The following RCE1 variants were observed in gnomAD, a reference collection of about 807,000 sequenced individuals.
The protein encoded by RCE1 is Ras converting CAAX endopeptidase 1, also known as CAAX prenyl protease 2.
RCE1 carries 15 observed loss-of-function variants against 35.0 expected under a neutral mutation model. That is an observed-to-expected ratio of 0.43 (90% CI 0.29 to 0.66). The LOEUF (loss-of-function observed/expected upper bound fraction) is 0.66, where lower values mean the gene tolerates loss of function less well. Ranked by LOEUF, RCE1 falls within the 30% of genes least tolerant of loss-of-function variation. The probability of loss-of-function intolerance (pLI) is 0.17; values close to 1 mark genes in which losing one functional copy is unlikely to be tolerated. For synonymous variants in RCE1, 261 were observed against 192.7 expected, an observed-to-expected ratio of 1.35 and a Z score of -2.94; for missense variants, 434 against 433.0, an observed-to-expected ratio of 1.00 and a Z score of -0.02.
chr11:66,846,183 C>A lies in RCE1; in HGVS notation c.*88C>A. Reference sequence around the variant, plus strand: ...CTGCAGGGGAAGGGCTGGCTGGGGTCCCCGAGATCTCAGGAATTTTTGTAG... The same window carrying A: ...CTGCAGGGGAAGGGCTGGCTGGGGTACCCGAGATCTCAGGAATTTTTGTAG... On this transcript the variant is annotated 3_prime_UTR_variant, in exon 8 of 8. Coordinates refer to ENST00000309657, the MANE Select transcript of RCE1 (RefSeq NM_005133.3). The A allele has an allele frequency of 6.8e-7, 1 of 1,464,334 alleles. No individual in the cohort carries two copies. Among genetic ancestry groups the A allele is most frequent in the South Asian group, 1.4e-5 (1 of 72,846 alleles). The allele number at this position is 1,464,334 out of a possible 1,614,324, so 90.7% of individuals were successfully genotyped here. A position where few individuals can be genotyped will look rare whatever the true frequency, so the allele number is the denominator to read the frequency against.
rs545366449 is a variant in RCE1, at chr11:66,845,650, C to T, written c.754+88C>T. On this transcript the variant is annotated intron_variant, in intron 7 of 7. Coordinates refer to ENST00000309657, the MANE Select transcript of RCE1 (RefSeq NM_005133.3). ...ACTGTTTGTTCTAGGAACAAAAGTTCTTCTACTCCAGTCCTTGAGACAGGC... is the reference window on the plus strand; with the variant it reads ...ACTGTTTGTTCTAGGAACAAAAGTTTTTCTACTCCAGTCCTTGAGACAGGC... The T allele has an allele frequency of 3.0e-4, 471 of 1,592,346 alleles. No homozygotes were observed. In the Middle Eastern group the frequency reaches 3.7e-3, roughly 12 times the overall value.
At position 66,846,269 on chromosome 11, in the gene RCE1, G is replaced by T. The variant is rs530509394; in HGVS notation, c.*174G>T. The T allele has an allele frequency of 6.1e-6, 5 of 825,604 alleles. No homozygotes were observed. The East Asian group carries it at 1.1e-4, about 18-fold the overall frequency. 51.1% of individuals were successfully genotyped at this position (825,604 alleles called of 1,614,324 possible). On this transcript the variant is annotated 3_prime_UTR_variant, in exon 8 of 8. Transcript: ENST00000309657. Reference sequence around the variant, plus strand: ...CAAGAGAAAGAAGCAGATATCCAAAGGGTGCAGCCCCTTTTGAAAGGGGTG... The same window carrying T: ...CAAGAGAAAGAAGCAGATATCCAAATGGTGCAGCCCCTTTTGAAAGGGGTG...
Position 66,844,003 on chromosome 11 carries a change from T to C in RCE1, c.336T>C (p.Ile112=). The change falls in exon 3 of 8, where the codon ATT becomes ATC. Residue 112 remains isoleucine, a synonymous_variant. Coordinates refer to ENST00000309657, the MANE Select transcript of RCE1 (RefSeq NM_005133.3). ...LTLMGFRLEG[I]FPAALLPLLL... ...TGATGGGCTTCAGGCTGGAGGGCAT[T>C]TTCCCAGCGGCGCTGCTGCCCCTGT... 6.2e-7 allele frequency: 1 copy of C among 1,614,128 alleles called. No homozygotes were observed. Among genetic ancestry groups the C allele is most frequent in the Non-Finnish European group, 8.5e-7 (1 of 1,180,018 alleles).
At chr11:66,844,064 C>G in intron 3 of RCE1, 25 bp downstream of exon 3, 3 of 1,613,826 alleles carry the variant, frequency 1.9e-6, no homozygotes, top group Non-Finnish European at 1.7e-6. Flanking sequence ...TGTATTTTTT[C>G]TTCTGGTCTT....
At chr11:66,845,670 A>G in intron 7 of RCE1, 108 bp downstream of exon 7, 3 of 1,564,204 alleles carry the variant, frequency 1.9e-6, no homozygotes, top group Non-Finnish European at 2.6e-6. Flanking sequence ...AGTCCTTGAG[A>G]CAGGCTGAGC....
chr11:66,844,237 G>T (rs781236004), intron 3 of RCE1, 49 bp from the exon 4 acceptor site: 2 of 1,613,482 alleles, frequency 1.2e-6, no homozygotes. Context: ...ATGGGCAAAG[G>T]TCTGGGCAAA....
intron 2 of RCE1, 32 bp from the exon 3 acceptor site, chr11:66,843,924 G>A (rs1385529302): frequency 6.2e-7 from 1 of 1,614,060 alleles, no homozygotes; most frequent in Admixed American, 1.7e-5. Flanking sequence ...AGGGGAGGAA[G>A]CAAAACTGAT....
intron 7 of RCE1, 82 bp downstream of exon 7, chr11:66,845,644 A>G (rs889021985): frequency 3.1e-6 from 5 of 1,601,114 alleles, no homozygotes; most frequent in Non-Finnish European, 3.4e-6. Context: ...TCTAGGAACA[A>G]AAGTTCTTCT....
chr11:66,845,607 G>T, intron 7 of RCE1, 45 bp downstream of exon 7: 2 of 1,612,336 alleles, frequency 1.2e-6, no homozygotes, highest in Non-Finnish European at 1.7e-6. Context: ...CCACAGGAGC[G>T]GGTGGGAGAA....
chr11:66,844,686 C>A, intron 4 of RCE1, 183 bp from the exon 5 acceptor site: 5 of 969,244 alleles, frequency 5.2e-6, no homozygotes, highest in Non-Finnish European at 5.9e-6. Flanking sequence ...CAGCTAATGC[C>A]TTCCATTCAG....
At position 66,844,317 on chromosome 11, in the gene RCE1, C is replaced by T. The variant is rs750535440; in HGVS notation, c.404C>T (p.Ser135Phe). The change falls in exon 4 of 8, where the codon TCT (serine) becomes TTT (phenylalanine). Residue 135 changes from serine (S) to phenylalanine (F), a missense_variant. Coordinates refer to ENST00000309657, the MANE Select transcript of RCE1 (RefSeq NM_005133.3). ...ILFLGPLMQL[S>F]MDCPCDLADG... The stretch of plus-strand genomic sequence containing the variant: ...TTCCTGGGCCCACTGATGCAGCTCT[C>T]TATGGATTGCCCTTGTGACCTGGCA... 4 of 1,614,120 alleles carry T rather than the reference C, an allele frequency of 2.5e-6. No homozygotes were observed. The highest frequency in any genetic ancestry group is 1.3e-5 in the African/African-American group (1 of 75,018).
chr11:66,845,469 G>C, intron 6 of RCE1, 31 bp from the exon 7 acceptor site: 1 of 1,614,102 alleles, frequency 6.2e-7, no homozygotes, highest in Non-Finnish European at 8.5e-7. Flanking sequence ...GGGCGTGCAG[G>C]TGTGGTCACT....
At position 66,845,901 on chromosome 11, in the gene RCE1, T is replaced by C; in HGVS notation, c.796T>C (p.Tyr266His). Residue 266 changes from tyrosine (Y) to histidine (H), a missense_variant, in exon 8 of 8, where the codon TAC becomes CAC. Physicochemically the swap from Tyr to His is moderately conservative, Grantham distance 83. Coordinates refer to ENST00000309657, the MANE Select transcript of RCE1 (RefSeq NM_005133.3). Reference sequence around the variant, plus strand: ...GGTTCTCTGCCATTCCTTCTGCAATTACATGGGTTTCCCAGCTGTTTGCGC... The same window carrying C: ...GGTTCTCTGCCATTCCTTCTGCAATCACATGGGTTTCCCAGCTGTTTGCGC... ...GPVLCHSFCN[Y>H]MGFPAVCAAL... is the part of the protein sequence containing the mutation. 3 of 1,613,828 alleles carry C rather than the reference T, an allele frequency of 1.9e-6. No individual in the cohort carries two copies. The highest frequency in any genetic ancestry group is 2.5e-6 in the Non-Finnish European group (3 of 1,180,042).
Position 66,844,853 on chromosome 11 carries a change from T to C in RCE1, c.452-16T>C, listed in dbSNP as rs377112256. On this transcript the variant is annotated splice_polypyrimidine_tract_variant and intron_variant, in intron 4 of 7. Coordinates refer to ENST00000309657, the MANE Select transcript of RCE1 (RefSeq NM_005133.3). Reference sequence around the variant, plus strand: ...ACAGCCCGTCACTCACAGCTTGTCCTGAATTCCCTCTGCAGCCCCCCGCTC... The same window carrying C: ...ACAGCCCGTCACTCACAGCTTGTCCCGAATTCCCTCTGCAGCCCCCCGCTC... The C allele has an allele frequency of 6.9e-5, 105 of 1,517,444 alleles. No homozygotes were observed. The Middle Eastern group carries it at 8.0e-4, about 12-fold the overall frequency. The allele number at this position is 1,517,444 out of a possible 1,614,324, so 94.0% of individuals were successfully genotyped here.
At chr11:66,844,459 A>G (rs1477623141) in intron 4 of RCE1, 95 bp downstream of exon 4, 1 of 1,475,786 alleles carries the variant, frequency 6.8e-7, no homozygotes, top group Non-Finnish European at 9.4e-7. Context: ...TGGACACGTG[A>G]AATGTCATCT....
chr11:66,844,109 TGTTTTTG>T (rs569249994), intron 3 of RCE1, 70 bp downstream of exon 3: 296 of 1,609,216 alleles, frequency 1.8e-4, no homozygotes, highest in South Asian at 7.7e-4. Context: ...CGTGGACTCT[TGTTTTTG>T]GTTTTTGGTT....
rs749231657 is a variant in RCE1, at chr11:66,844,264, G to GA, written c.373-19dup. The GA allele has an allele frequency of 1.9e-6, 3 of 1,614,146 alleles. No homozygotes were observed. In the African/African-American group the frequency reaches 4.0e-5, roughly 22 times the overall value. ...CTGGGCAAAAGCGGTGGGTTATGGT[G>GA]AAAGTGTTTTCTTGCCCTCAGATTC... On this transcript the variant is annotated intron_variant, in intron 3 of 7. Coordinates refer to ENST00000309657, the MANE Select transcript of RCE1 (RefSeq NM_005133.3).
chr11:66,845,137 C>T (rs778215383), intron 5 of RCE1, 29 bp from the exon 6 acceptor site: 4 of 1,614,112 alleles, frequency 2.5e-6, no homozygotes, highest in Non-Finnish European at 3.4e-6. Flanking sequence ...GGAGGAATGA[C>T]TGTGATGTGA....
In RCE1 at chr11:66,844,678, G is replaced by A. The variant is rs972820305; in HGVS notation, c.452-191G>A. 1.1e-5 allele frequency: 10 copies of A among 919,276 alleles called. No individual in the cohort carries two copies. The African/African-American group carries it at 1.7e-4, about 15-fold the overall frequency. The allele number at this position is 919,276 out of a possible 1,614,324, so 56.9% of individuals were successfully genotyped here. A position where few individuals can be genotyped will look rare whatever the true frequency, so the allele number is the denominator to read the frequency against. On this transcript the variant is annotated intron_variant, in intron 4 of 7. Coordinates refer to ENST00000309657, the MANE Select transcript of RCE1 (RefSeq NM_005133.3). ...TTACTTCCAGGATGCCCTTGCCTCA[G>A]CTAATGCCTTCCATTCAGGTCATCT...
Sources: gnomAD v4.1 joint callset for allele counts on GRCh38, gnomAD v4.1.1 for gene constraint, MANE v1.5 for transcripts, NCBI Gene and HGNC (gene_info 2026-07-23, HGNC 2026-07-21) for gene names.